Variants in FNTB observed in about 807,000 individuals in gnomAD.
FNTB encodes protein farnesyltransferase subunit beta.
In FNTB, 27 loss-of-function variants were observed where a neutral mutation model predicts 59.4. That is an observed-to-expected ratio of 0.45 (90% CI 0.34 to 0.63). The LOEUF (loss-of-function observed/expected upper bound fraction) is 0.63, where lower values mean the gene tolerates loss of function less well. Ranked by LOEUF, FNTB falls within the 20% of genes least tolerant of loss-of-function variation. The pLI, the probability that FNTB is intolerant of heterozygous loss-of-function variation, is 0.02. For missense variants in FNTB, 449 were observed against 559.6 expected (o/e 0.80, Z 1.99); for synonymous variants, 230 against 220.7 (o/e 1.04, Z -0.37).
chr14:65,034,802 T>A (rs890974841), intron 7 of FNTB, among the ~76,000 whole-genome samples: 4 of 152,248 alleles, frequency 2.6e-5, no homozygotes, highest in African/African-American at 9.6e-5. Flanking sequence ...GGAGTTGGCA[T>A]GTCAGCTCCA....
In FNTB at chr14:65,040,841, T is replaced by C; in HGVS notation, c.744T>C (p.His248=). The C allele has an allele frequency of 2.5e-6, 4 of 1,613,916 alleles. No individual in the cohort carries two copies. The highest frequency in any genetic ancestry group is 3.4e-6 in the Non-Finnish European group (4 of 1,179,972). The change falls in exon 8 of 12, where the codon CAT becomes CAC. Residue 248 remains histidine, a synonymous_variant. Transcript: ENST00000246166. Reference sequence around the variant, plus strand: ...GCGGGGTACCAGGGATGGAAGCCCATGGTGGCTATACCTTCTGTGGCCTGG... The same window carrying C: ...GCGGGGTACCAGGGATGGAAGCCCACGGTGGCTATACCTTCTGTGGCCTGG... The part of the protein sequence containing the change: ...GIGGVPGMEA[H]GGYTFCGLAA...
intron 2 of FNTB, among the ~76,000 whole-genome samples, chr14:65,005,790 G>A (rs981665234): frequency 1.3e-5 from 2 of 152,002 alleles, no homozygotes; most frequent in African/African-American, 2.4e-5. Flanking sequence ...ACATCACTAT[G>A]CCTAGCTTAT....
Position 65,032,652 on chromosome 14 carries a change from C to T in FNTB, c.648C>T (p.Ile216=), listed in dbSNP as rs758888828. 2 of 1,613,864 alleles carry T rather than the reference C, an allele frequency of 1.2e-6. No individual in the cohort carries two copies. The highest frequency in any genetic ancestry group is 1.3e-5 in the African/African-American group (1 of 74,916). The change falls in exon 7 of 12, where the codon ATC becomes ATT. Residue 216 remains isoleucine (I), a synonymous_variant. Transcript: ENST00000246166. This position sits in a 1 kb window ranked among gnomAD's most constrained non-coding sequence, Gnocchi z 5.0. ...CAASVASLTN[I]ITPDLFEGTA... The stretch of plus-strand genomic sequence containing the variant: ...CCTCCGTAGCCTCGCTGACCAACAT[C>T]ATCACTCCAGACCTCTTTGAGGGCA...
chr14:65,026,928 G>A (rs2061993158), intron 4 of FNTB, among the ~76,000 whole-genome samples: 1 of 152,150 alleles, frequency 6.6e-6, no homozygotes, highest in South Asian at 2.1e-4. Context: ...GCCCACAGAG[G>A]CTTAGGTGGC....
intron 8 of FNTB, among the ~76,000 whole-genome samples, chr14:65,042,702 C>T (rs965566841): frequency 6.6e-6 from 1 of 152,138 alleles, no homozygotes; most frequent in Non-Finnish European, 1.5e-5. Context: ...TTCCTATAGC[C>T]CAAGGAAACA....
rs866458283 is a variant in FNTB, at chr14:65,022,284, G to T, written c.375-5169G>T. ...TTCCAAAGCTGTAATCTTTTTTTCT[G>T]TTTTTTTTTTTTTAAACCTGCCCAA... On this transcript the variant is annotated intron_variant, in intron 4 of 11. Coordinates refer to ENST00000246166, the MANE Select transcript of FNTB (RefSeq NM_002028.4). 1.9e-3 allele frequency among the ~76,000 whole-genome samples: 280 copies of T among 144,048 alleles called. 10 individuals are homozygous for T. The South Asian group carries it at 0.04, about 20-fold the overall frequency. 94.5% of individuals were successfully genotyped at this position (144,048 alleles called of 152,430 possible).
chr14:64,993,664 C>A (rs1047494731), intron 1 of FNTB, among the ~76,000 whole-genome samples: 1 of 152,214 alleles, frequency 6.6e-6, no homozygotes, highest in Non-Finnish European at 1.5e-5. Flanking sequence ...CATTCTGTCT[C>A]TGGGAGAGGA....
At chr14:65,020,601 T>G (rs922066824) in intron 4 of FNTB, among the ~76,000 whole-genome samples, 4 of 151,574 alleles carry the variant, frequency 2.6e-5, no homozygotes, top group Admixed American at 1.3e-4. Context: ...ACCCGGCTAA[T>G]TTTTGTATTT....
rs75585714 is a variant in FNTB, at chr14:65,024,516, T to G, written c.375-2937T>G. On this transcript the variant is annotated intron_variant, in intron 4 of 11. Transcript: ENST00000246166. ...TTCTACAGATTCTGATGCACACATT[T>G]TGGGTTTGAAGATCCATGATATAGA... Among the ~76,000 whole-genome samples, 786 of 152,352 alleles carry G rather than the reference T, an allele frequency of 5.2e-3. 3 individuals are homozygous for G. The highest frequency in any genetic ancestry group is 8.7e-3 in the Non-Finnish European group (589 of 68,030).
chr14:65,010,716 G>A (rs2061668996), intron 2 of FNTB, among the ~76,000 whole-genome samples: 1 of 152,158 alleles, frequency 6.6e-6, no homozygotes, highest in Non-Finnish European at 1.5e-5. Context: ...GAGTAGAAAT[G>A]CCTTAGTCAG....
At chr14:65,060,129 G>A (rs185703894) in intron 11 of FNTB, among the ~76,000 whole-genome samples, 87 of 151,372 alleles carry the variant, frequency 5.7e-4, no homozygotes, top group Non-Finnish European at 1.1e-3. Flanking sequence ...CACCGCGTCC[G>A]GCCCCCTTTT....
At position 65,037,402 on chromosome 14, in the gene FNTB, CCTTTTTTTTTTTTTTTTTTTTTTTTTTT is replaced by C. The variant is rs1461716388; in HGVS notation, c.693-3387_693-3360del. On this transcript the variant is annotated intron_variant, in intron 7 of 11. Coordinates refer to ENST00000246166, the MANE Select transcript of FNTB (RefSeq NM_002028.4). Reference sequence around the variant, plus strand: ...ATAGGCGTGAGCCACCACGCCGGGCCCTTTTTTTTTTTTTTTTTTTTTTTTTTTTTTTTTTTTTTTTTTTGAGACGTCT... The same window carrying C: ...ATAGGCGTGAGCCACCACGCCGGGCCTTTTTTTTTTTTTTTTGAGACGTCT... Among the ~76,000 whole-genome samples the C allele has an allele frequency of 5.5e-4, 8 of 14,534 alleles. 1 individual carries two copies. The highest frequency in any genetic ancestry group is 1.7e-3 in the African/African-American group (6 of 3,438). 9.5% of individuals were successfully genotyped at this position (14,534 alleles called of 152,430 possible). A position where few individuals can be genotyped will look rare whatever the true frequency, so the allele number is the denominator to read the frequency against.
In FNTB at chr14:65,061,512, C is replaced by T; in HGVS notation, c.*200C>T. On this transcript the variant is annotated 3_prime_UTR_variant, in exon 12 of 12. Transcript: ENST00000246166. ...TGGCTGGTTTTAAAAATTCTTTCCA[C>T]ACCTGTCAAACCAAAAATCTATCAG... 4.1e-6 allele frequency: 4 copies of T among 978,424 alleles called. No homozygotes were observed. The highest frequency in any genetic ancestry group is 5.7e-6 in the Non-Finnish European group (4 of 700,206). 60.6% of individuals were successfully genotyped at this position (978,424 alleles called of 1,614,324 possible). A position where few individuals can be genotyped will look rare whatever the true frequency, so the allele number is the denominator to read the frequency against.
chr14:65,038,802 C>A (rs2062274866), intron 7 of FNTB, among the ~76,000 whole-genome samples: 1 of 152,122 alleles, frequency 6.6e-6, no homozygotes. Context: ...TTGAGAGATT[C>A]TCTTAGTATT....
intron 8 of FNTB, among the ~76,000 whole-genome samples, chr14:65,043,284 T>G (rs1871577076): frequency 6.6e-6 from 1 of 152,176 alleles, no homozygotes; most frequent in Non-Finnish European, 1.5e-5. Flanking sequence ...TTTAGAAAAC[T>G]TGTAGATAAG....
chr14:65,017,656 A>AT (rs1047727577), intron 4 of FNTB, among the ~76,000 whole-genome samples: 22 of 152,282 alleles, frequency 1.4e-4, no homozygotes, highest in African/African-American at 4.8e-4. Context: ...TTTAAAAAAA[A>AT]TTTTTTTTAA....
Position 65,061,761 on chromosome 14 carries a change from A to G in FNTB, c.*449A>G, listed in dbSNP as rs1488215957. 1 of 164,280 alleles carries G rather than the reference A, an allele frequency of 6.1e-6. No homozygotes were observed. The highest frequency in any genetic ancestry group is 1.3e-5 in the Non-Finnish European group (1 of 74,392). 10.2% of individuals were successfully genotyped at this position (164,280 alleles called of 1,614,324 possible). A position where few individuals can be genotyped will look rare whatever the true frequency, so the allele number is the denominator to read the frequency against. ...ATGCCAAGGCTGGGCTTTGGGTCCCACCAAGATGAGTTCTCTGTAAGACTG... is the reference window on the plus strand; with the variant it reads ...ATGCCAAGGCTGGGCTTTGGGTCCCGCCAAGATGAGTTCTCTGTAAGACTG... On this transcript the variant is annotated 3_prime_UTR_variant, in exon 12 of 12. Coordinates refer to ENST00000246166, the MANE Select transcript of FNTB (RefSeq NM_002028.4).
At position 65,032,539 on chromosome 14, in the gene FNTB, C is replaced by T. The variant is rs2062106266; in HGVS notation, c.606-71C>T. ...CTTACTAGGCAAGGCGAGCAGTCCG[C>T]CCGCGGAGTTCACTGAGCCTCATTA... On this transcript the variant is annotated intron_variant, in intron 6 of 11. Transcript: ENST00000246166. This position sits in a 1 kb window ranked among gnomAD's most constrained non-coding sequence, Gnocchi z 5.0. The T allele has an allele frequency of 1.9e-6, 3 of 1,563,428 alleles. No individual in the cohort carries two copies. Among genetic ancestry groups the T allele is most frequent in the Non-Finnish European group, 1.7e-6 (2 of 1,152,314 alleles).
chr14:65,018,848 C>T (rs1481978736), intron 4 of FNTB, among the ~76,000 whole-genome samples: 1 of 149,734 alleles, frequency 6.7e-6, no homozygotes, highest in East Asian at 2.0e-4. Flanking sequence ...CGGTGGCTCA[C>T]ACCTGTAATC....
Sources: allele counts gnomAD v4.1 joint callset (sites outside exome capture counted in the v4.1 genomes callset), GRCh38; gene constraint gnomAD v4.1.1; non-coding constraint Gnocchi (gnomAD v3.1); transcripts MANE v1.5; gene names NCBI Gene and HGNC (gene_info 2026-07-23, HGNC 2026-07-21).